TRIP4: variants seen among roughly 807,000 people sequenced by gnomAD.
TRIP4 encodes thyroid hormone receptor interactor 4.
In TRIP4, 54 loss-of-function variants were observed where a neutral mutation model predicts 81.8. The ratio of observed to expected loss-of-function variants is 0.66; its 90% CI spans 0.53 to 0.83. TRIP4 has a LOEUF of 0.83. Ranked by LOEUF, TRIP4 falls within the 40% of genes least tolerant of loss-of-function variation. The probability of loss-of-function intolerance (pLI) is 0.00; values close to 1 mark genes in which losing one functional copy is unlikely to be tolerated. For missense variants in TRIP4, 662 were observed against 683.6 expected, an observed-to-expected ratio of 0.97 and a Z score of 0.35; for synonymous variants, 270 against 242.8, an observed-to-expected ratio of 1.11 and a Z score of -1.04.
intron 6 of TRIP4, among the ~76,000 whole-genome samples, chr15:64,408,448 A>G (rs962140420): frequency 3.3e-5 from 5 of 149,962 alleles, no homozygotes; most frequent in African/African-American, 1.2e-4. Flanking sequence ...TTTAGTAGAG[A>G]CGGGGTTTCA....
In TRIP4 at chr15:64,395,528, C is replaced by G; in HGVS notation, c.402C>G (p.Ala134=). The G allele has an allele frequency of 6.2e-7, 1 of 1,608,900 alleles. No individual in the cohort carries two copies. The highest frequency in any genetic ancestry group is 8.5e-7 in the Non-Finnish European group (1 of 1,177,460). ...TAEVKTPFDL[A]KAQENSNSVK... Reference sequence around the variant, plus strand: ...AGGTTAAAACACCTTTTGATTTGGCCAAGGTGAGTGCTTATAGATTGAAGC... The same window carrying G: ...AGGTTAAAACACCTTTTGATTTGGCGAAGGTGAGTGCTTATAGATTGAAGC... The change falls in exon 3 of 13, where the codon GCC becomes GCG. Residue 134 remains alanine, a synonymous_variant. Transcript: ENST00000261884.
intron 3 of TRIP4, 118 bp downstream of exon 3, chr15:64,395,649 G>T (rs1420725546): frequency 2.6e-6 from 3 of 1,164,504 alleles, no homozygotes; most frequent in East Asian, 5.1e-5. Flanking sequence ...ACAAATGCAT[G>T]AATTTTAGGT....
In TRIP4 at chr15:64,445,083, T is replaced by G. The variant is rs760615418; in HGVS notation, c.1653T>G (p.Phe551Leu). 1.9e-6 allele frequency: 3 copies of G among 1,605,798 alleles called. No homozygotes were observed. The South Asian group carries it at 3.3e-5, about 18-fold the overall frequency. ...CKNPQEMVVK[F>L]PIKGNPKIWK... The stretch of plus-strand genomic sequence containing the variant: ...ATCCTCAGGAAATGGTTGTGAAGTT[T>G]CCTATTAAAGGAAATCCAAAAATCT... Residue 551 changes from phenylalanine to leucine, a missense_variant, in exon 12 of 13, where the codon TTT becomes TTG. Coordinates refer to ENST00000261884, the MANE Select transcript of TRIP4 (RefSeq NM_016213.5).
intron 5 of TRIP4, among the ~76,000 whole-genome samples, chr15:64,403,515 A>G (rs1234297584): frequency 4.6e-5 from 7 of 152,142 alleles, no homozygotes; most frequent in Admixed American, 4.6e-4. Flanking sequence ...ACTTACGCAA[A>G]TATTTCATTT....
At chr15:64,435,686 C>G (rs1211778913) in intron 11 of TRIP4, among the ~76,000 whole-genome samples, 4 of 149,262 alleles carry the variant, frequency 2.7e-5, no homozygotes, top group Non-Finnish European at 5.9e-5. Flanking sequence ...TTTAAGTATA[C>G]TAGATGAAAC....
At chr15:64,415,320 C>G (rs1322858235) in intron 8 of TRIP4, among the ~76,000 whole-genome samples, 1 of 152,116 alleles carries the variant, frequency 6.6e-6, no homozygotes, top group Non-Finnish European at 1.5e-5. Flanking sequence ...TGGGGAATCA[C>G]AAGTAATTAA....
At chr15:64,426,133 C>T (rs576865819) in intron 11 of TRIP4, among the ~76,000 whole-genome samples, 84 of 152,018 alleles carry the variant, frequency 5.5e-4, no homozygotes, top group African/African-American at 2.0e-3. Flanking sequence ...TATATAGGGT[C>T]TTCATCCCTT....
At chr15:64,408,425 AT>A (rs1891682733) in intron 6 of TRIP4, among the ~76,000 whole-genome samples, 1 of 150,950 alleles carries the variant, frequency 6.6e-6, no homozygotes, top group South Asian at 2.1e-4. Flanking sequence ...CGCCCAGCTA[AT>A]TTTTTTGTAT....
intron 5 of TRIP4, 49 bp from the exon 6 acceptor site, chr15:64,406,281 A>G: frequency 1.9e-6 from 3 of 1,603,312 alleles, no homozygotes. Context: ...TGGTACAACT[A>G]ATTTGTATTT....
At chr15:64,404,800 C>T (rs903629041) in intron 5 of TRIP4, among the ~76,000 whole-genome samples, 3 of 152,124 alleles carry the variant, frequency 2.0e-5, no homozygotes, top group African/African-American at 7.2e-5. Context: ...ATTCTCCTGC[C>T]TCAGCCTCCC....
At chr15:64,396,393 C>G (rs1458366515) in intron 3 of TRIP4, among the ~76,000 whole-genome samples, 1 of 151,070 alleles carries the variant, frequency 6.6e-6, no homozygotes, top group African/African-American at 2.4e-5. Flanking sequence ...TCTCCTGCCT[C>G]AGTCTCCCAA....
intron 11 of TRIP4, among the ~76,000 whole-genome samples, chr15:64,428,759 C>A (rs944112925): frequency 5.3e-5 from 8 of 152,050 alleles, no homozygotes; most frequent in African/African-American, 1.9e-4. Flanking sequence ...CAGGCACATA[C>A]CACCACACCT....
intron 9 of TRIP4, among the ~76,000 whole-genome samples, chr15:64,420,584 C>T (rs956854887): frequency 6.8e-6 from 1 of 148,110 alleles, no homozygotes; most frequent in Non-Finnish European, 1.5e-5. Flanking sequence ...AGTGCAGTGG[C>T]GTGATCTCAG....
chr15:64,420,180 G>C (rs1891980093), intron 9 of TRIP4, among the ~76,000 whole-genome samples: 1 of 149,096 alleles, frequency 6.7e-6, no homozygotes, highest in East Asian at 2.0e-4. Context: ...GGAGTGCAAT[G>C]GTGCGTTATC....
intron 2 of TRIP4, among the ~76,000 whole-genome samples, chr15:64,395,036 G>C (rs1207105732): frequency 6.6e-6 from 1 of 152,034 alleles, no homozygotes; most frequent in Non-Finnish European, 1.5e-5. Context: ...TCTAGAGATA[G>C]GGTCTCACTC....
chr15:64,427,323 A>C (rs912329426), intron 11 of TRIP4, among the ~76,000 whole-genome samples: 4 of 152,114 alleles, frequency 2.6e-5, no homozygotes, highest in African/African-American at 9.7e-5. Flanking sequence ...CATTACTGTT[A>C]TTACTGTCTA....
Position 64,409,702 on chromosome 15 carries a change from T to C in TRIP4, c.917T>C (p.Leu306Ser). The change falls in exon 7 of 13, where the codon TTG (leucine) becomes TCG (serine). Residue 306 changes from leucine (L) to serine (S), a missense_variant. Leu to Ser is a moderately radical substitution (Grantham distance 145). Transcript: ENST00000261884. Reference sequence around the variant, plus strand: ...TTGTCCAAACTTGAGCGGGAAACCTTGCAGAAGCGAGAGGAGGAGCTGAGA... The same window carrying C: ...TTGTCCAAACTTGAGCGGGAAACCTCGCAGAAGCGAGAGGAGGAGCTGAGA... ...QWLSKLERET[L>S]QKREEELREL... 1 of 1,614,168 alleles carries C rather than the reference T, an allele frequency of 6.2e-7. No individual in the cohort carries two copies.
chr15:64,399,449 A>G (rs910877466), intron 4 of TRIP4, among the ~76,000 whole-genome samples: 2 of 152,070 alleles, frequency 1.3e-5, no homozygotes, highest in African/African-American at 4.8e-5. Flanking sequence ...GAAGTATTGT[A>G]CAGTGTTTTC....
At chr15:64,406,028 G>A (rs1461242840) in intron 5 of TRIP4, among the ~76,000 whole-genome samples, 1 of 152,194 alleles carries the variant, frequency 6.6e-6, no homozygotes, top group East Asian at 1.9e-4. Context: ...TTGAGCAAAT[G>A]TCTTCTTCAC....
Sources: gnomAD v4.1 joint callset for allele counts (sites outside exome capture counted in the v4.1 genomes callset) on GRCh38, gnomAD v4.1.1 for gene constraint, MANE v1.5 for transcripts, NCBI Gene and HGNC (gene_info 2026-07-23, HGNC 2026-07-21) for gene names.